The following COG5 variants were observed in gnomAD, a reference collection of about 807,000 sequenced individuals.
COG5 encodes component of oligomeric golgi complex 5.
In COG5, 86 loss-of-function variants were observed where a neutral mutation model predicts 110.4. The ratio of observed to expected loss-of-function variants is 0.78; its 90% confidence interval spans 0.65 to 0.93. COG5 has a LOEUF of 0.93. Ranked by LOEUF, COG5 falls within the 40% of genes least tolerant of loss-of-function variation. The pLI, the probability that COG5 is intolerant of heterozygous loss-of-function variation, is 0.00. For missense variants in COG5, 1,077 were observed against 987.0 expected (o/e 1.09, Z -1.22); for synonymous variants, 360 against 334.6 (o/e 1.08, Z -0.83).
chr7:107,513,426 A>G (rs2129145979), intron 6 of COG5, among the ~76,000 whole-genome samples: 1 of 152,346 alleles, frequency 6.6e-6, no homozygotes, highest in South Asian at 2.1e-4. Context: ...GTGGAGAAAT[A>G]GCAACACTTT....
chr7:107,382,418 C>A (rs769601635), intron 7 of COG5, among the ~76,000 whole-genome samples: 1 of 152,142 alleles, frequency 6.6e-6, no homozygotes, highest in South Asian at 2.1e-4. Flanking sequence ...AAGTATAAAA[C>A]TGAAGTCTGT....
chr7:107,533,435 G>A (rs1313508693), intron 5 of COG5, among the ~76,000 whole-genome samples: 1 of 151,484 alleles, frequency 6.6e-6, no homozygotes, highest in African/African-American at 2.4e-5. Flanking sequence ...AAAGGTTAGA[G>A]GAATTGCTAA....
chr7:107,515,055 T>C (rs534332933), intron 6 of COG5, among the ~76,000 whole-genome samples: 39 of 152,304 alleles, frequency 2.6e-4, no homozygotes, highest in African/African-American at 9.1e-4. Context: ...CTACAGGGCT[T>C]ATGTATATTG....
intron 1 of COG5, among the ~76,000 whole-genome samples, chr7:107,562,768 A>G (rs1273569076): frequency 6.6e-6 from 1 of 152,262 alleles, no homozygotes; most frequent in Non-Finnish European, 1.5e-5. Flanking sequence ...GGATGACAAT[A>G]AAATATTTAA....
chr7:107,242,724 T>G (rs1168875076), intron 17 of COG5, among the ~76,000 whole-genome samples: 1 of 152,204 alleles, frequency 6.6e-6, no homozygotes, highest in Admixed American at 6.5e-5. Flanking sequence ...ACCCCACTGC[T>G]TGTCACCAGG....
intron 17 of COG5, among the ~76,000 whole-genome samples, chr7:107,241,718 C>T (rs1016920924): frequency 1.3e-5 from 2 of 152,078 alleles, no homozygotes; most frequent in Admixed American, 1.3e-4. Flanking sequence ...TCCCAAAGTG[C>T]TGGGATTACA....
chr7:107,417,230 T>C (rs1792913841), intron 6 of COG5, among the ~76,000 whole-genome samples: 1 of 152,224 alleles, frequency 6.6e-6, no homozygotes, highest in Admixed American at 6.5e-5. Flanking sequence ...TCTAAAATAC[T>C]TAAAACCTTG....
chr7:107,336,894 C>T (rs867718139), intron 10 of COG5, among the ~76,000 whole-genome samples: 1 of 152,054 alleles, frequency 6.6e-6, no homozygotes, highest in African/African-American at 2.4e-5. Flanking sequence ...GTGCAGACCG[C>T]CTGGGAGCCA....
chr7:107,463,450 G>C (rs563128359), intron 6 of COG5, among the ~76,000 whole-genome samples: 34 of 152,298 alleles, frequency 2.2e-4, no homozygotes, highest in Non-Finnish European at 4.1e-4. Flanking sequence ...GGGGAAAGGG[G>C]ACAGGGGAAC....
In COG5 at chr7:107,298,285, A is replaced by G. The variant is rs1414561536; in HGVS notation, c.1170T>C (p.Asn390=). 1 of 1,613,762 alleles carries G rather than the reference A, an allele frequency of 6.2e-7. No individual in the cohort carries two copies. The highest frequency in any genetic ancestry group is 8.5e-7 in the Non-Finnish European group (1 of 1,179,818). ...ATTGTTGAAGACGCTTCCATAAGTCATTATAAAGACGTAATAATTTAGGGT... is the reference window on the plus strand; with the variant it reads ...ATTGTTGAAGACGCTTCCATAAGTCGTTATAAAGACGTAATAATTTAGGGT... ...GEYPKLLRLY[N]DLWKRLQQYS... Residue 390 remains asparagine, a synonymous_variant, in exon 12 of 22, where the codon AAT becomes AAC. Coordinates refer to ENST00000297135, the MANE Select transcript of COG5 (RefSeq NM_006348.5).
intron 6 of COG5, among the ~76,000 whole-genome samples, chr7:107,441,673 A>T (rs1666150353): frequency 6.6e-6 from 1 of 152,174 alleles, no homozygotes; most frequent in Non-Finnish European, 1.5e-5. Flanking sequence ...CATATTTTCT[A>T]ACCTTCCAAA....
chr7:107,378,950 C>CA (rs1814866276), intron 7 of COG5, among the ~76,000 whole-genome samples: 1 of 151,966 alleles, frequency 6.6e-6, no homozygotes, highest in Non-Finnish European at 1.5e-5. Flanking sequence ...TCAAGAGGAG[C>CA]ACCCAAGTCA....
intron 6 of COG5, among the ~76,000 whole-genome samples, chr7:107,477,338 G>T (rs1349558145): frequency 6.6e-6 from 1 of 151,388 alleles, no homozygotes; most frequent in Non-Finnish European, 1.5e-5. Context: ...ACTATTTTTA[G>T]AACCTTCATA....
intron 6 of COG5, among the ~76,000 whole-genome samples, chr7:107,424,260 G>A (rs993834109): frequency 2.6e-5 from 4 of 152,026 alleles, no homozygotes; most frequent in East Asian, 1.9e-4. Flanking sequence ...GCAACAGAGC[G>A]AGAGTCTGTC....
chr7:107,520,864 T>C (rs1800274110), intron 6 of COG5, among the ~76,000 whole-genome samples: 1 of 152,114 alleles, frequency 6.6e-6, no homozygotes, highest in Non-Finnish European at 1.5e-5. Context: ...GGAACAAAAC[T>C]GGAGGCATCA....
At chr7:107,561,368 G>A (rs978862400) in intron 1 of COG5, among the ~76,000 whole-genome samples, 2 of 152,108 alleles carry the variant, frequency 1.3e-5, no homozygotes, top group Non-Finnish European at 2.9e-5. Context: ...GGGGGTGGAG[G>A]GGCAACAGAG....
chr7:107,497,063 A>C (rs1487004101), intron 6 of COG5, among the ~76,000 whole-genome samples: 1 of 152,076 alleles, frequency 6.6e-6, no homozygotes. Flanking sequence ...AAAATTAAAA[A>C]TTAGCCAGGC....
intron 6 of COG5, among the ~76,000 whole-genome samples, chr7:107,489,210 T>A (rs1445447410): frequency 1.3e-5 from 2 of 152,198 alleles, no homozygotes; most frequent in Non-Finnish European, 2.9e-5. Context: ...TTCTCTAAAA[T>A]ACATTTAAGT....
intron 7 of COG5, among the ~76,000 whole-genome samples, chr7:107,394,466 C>A (rs1392907661): frequency 6.6e-6 from 1 of 151,928 alleles, no homozygotes; most frequent in African/African-American, 2.4e-5. Flanking sequence ...TAAAATTCCA[C>A]AAAAATAGAA....
Sources: allele counts gnomAD v4.1 joint callset (sites outside exome capture counted in the v4.1 genomes callset), GRCh38; gene constraint gnomAD v4.1.1; transcripts MANE v1.5; gene names NCBI Gene and HGNC (gene_info 2026-07-23, HGNC 2026-07-21).